ALDH1L2: variants seen among roughly 807,000 people sequenced by gnomAD.
ALDH1L2 encodes the protein mitochondrial 10-formyltetrahydrofolate dehydrogenase.
Under a neutral mutation model 111.0 loss-of-function variants are expected in ALDH1L2, and 91 were observed. That is an observed-to-expected ratio of 0.82 (90% CI 0.69 to 0.98). The LOEUF (loss-of-function observed/expected upper bound fraction) is 0.98. Ranked by LOEUF, ALDH1L2 falls within the 50% of genes least tolerant of loss-of-function variation. The pLI is 0.00. For synonymous variants in ALDH1L2, 374 were observed against 392.6 expected (o/e 0.95, Z 0.56); for missense variants, 995 against 1,126.8 (o/e 0.88, Z 1.67).
intron 4 of ALDH1L2, among the ~76,000 whole-genome samples, chr12:105,067,003 C>T (rs894126770): frequency 4.6e-5 from 7 of 151,918 alleles, no homozygotes; most frequent in African/African-American, 1.7e-4. Flanking sequence ...CCAAGGCAGG[C>T]GGATCACGAA....
At position 105,052,131 on chromosome 12, in the gene ALDH1L2, C is replaced by A; in HGVS notation, c.1494G>T (p.Trp498Cys). The stretch of plus-strand genomic sequence containing the variant: ...CTCTTTCTCTTGCATTCATTCTTCC[C>A]CATTCACCGTTTTCAAAAGCATCTT... ...AAKDAFENGE[W>C]GRMNARERGR... Residue 498 changes from tryptophan (W) to cysteine (C), a missense_variant, in exon 12 of 23, where the codon TGG (tryptophan) becomes TGT (cysteine). Coordinates refer to ENST00000258494, the MANE Select transcript of ALDH1L2 (RefSeq NM_001034173.4). 1 of 1,611,458 alleles carries A rather than the reference C, an allele frequency of 6.2e-7. No homozygotes were observed. Among genetic ancestry groups the A allele is most frequent in the Non-Finnish European group, 8.5e-7 (1 of 1,178,598 alleles).
chr12:105,028,932 T>G (rs1874558550), intron 21 of ALDH1L2, among the ~76,000 whole-genome samples: 1 of 152,206 alleles, frequency 6.6e-6, no homozygotes, highest in Non-Finnish European at 1.5e-5. Context: ...GACATAAAAC[T>G]TCATTAAATG....
chr12:105,083,400 ATTC>A (rs1412124137), intron 1 of ALDH1L2, among the ~76,000 whole-genome samples: 1 of 151,852 alleles, frequency 6.6e-6, no homozygotes, highest in African/African-American at 2.4e-5. Flanking sequence ...AGTAAAACGA[ATTC>A]TTATTATTTG....
intron 3 of ALDH1L2, among the ~76,000 whole-genome samples, chr12:105,070,112 A>G (rs1234886457): frequency 6.6e-6 from 1 of 152,248 alleles, no homozygotes; most frequent in Non-Finnish European, 1.5e-5. Context: ...TAAAGCCCGT[A>G]TTAATAGCTC....
Position 105,065,339 on chromosome 12 carries a change from A to C in ALDH1L2, c.714T>G (p.Ser238=). The stretch of plus-strand genomic sequence containing the variant: ...GAATCCAGTTATGTAAAACTTCGGC[A>C]GACTGGTCCCAAGAAATCTAGGAAG... ...KENAEISWDQ[S]AEVLHNWIRG... Residue 238 remains serine (S), a synonymous_variant, in exon 6 of 23, where the codon TCT becomes TCG. Coordinates refer to ENST00000258494, the MANE Select transcript of ALDH1L2 (RefSeq NM_001034173.4). 1.2e-6 allele frequency: 2 copies of C among 1,610,624 alleles called. No homozygotes were observed. Among genetic ancestry groups the C allele is most frequent in the Middle Eastern group, 1.7e-4 (1 of 6,038 alleles).
chr12:105,080,051 C>T (rs1878264178), intron 1 of ALDH1L2, among the ~76,000 whole-genome samples: 1 of 152,136 alleles, frequency 6.6e-6, no homozygotes. Flanking sequence ...TATTGAGAAA[C>T]ATTTTGGCTT....
In ALDH1L2 at chr12:105,073,937, G is replaced by A; in HGVS notation, c.117C>T (p.Ser39=). Residue 39 remains serine, a synonymous_variant, in exon 2 of 23, where the codon AGC becomes AGT. Coordinates refer to ENST00000258494, the MANE Select transcript of ALDH1L2 (RefSeq NM_001034173.4). ...CTCGGTGGCCCTCTTTGCGGAGGTG[G>A]CTATAGACTTCTTGTCCAAAGAGGC... is the stretch of plus-strand genomic sequence containing the variant. The part of the protein sequence containing the change: ...GQSLFGQEVY[S]HLRKEGHRVV... 1 of 1,614,098 alleles carries A rather than the reference G, an allele frequency of 6.2e-7. No homozygotes were observed.
Position 105,084,428 on chromosome 12 carries a change from C to A in ALDH1L2, c.9G>T (p.Arg3=). ML[R]RGSQALRRFS... is the part of the protein sequence containing the mutation. The stretch of plus-strand genomic sequence containing the variant: ...AGCGCCGGAGCGCCTGGCTGCCCCG[C>A]CGCAGCATGCTGGAGAGGAGCGCTA... The change falls in exon 1 of 23, where the codon CGG becomes CGT. Residue 3 remains arginine (R), a synonymous_variant. Transcript: ENST00000258494. The A allele has an allele frequency of 6.7e-7, 1 of 1,496,258 alleles. No homozygotes were observed. Among genetic ancestry groups the A allele is most frequent in the Non-Finnish European group, 8.8e-7 (1 of 1,130,494 alleles). The allele number at this position is 1,496,258 out of a possible 1,614,324, so 92.7% of individuals were successfully genotyped here.
At chr12:105,046,205 ATATATATATATATATAT>A (rs1875870761) in intron 15 of ALDH1L2, among the ~76,000 whole-genome samples, 2 of 38,376 alleles carry the variant, frequency 5.2e-5, no homozygotes, top group Non-Finnish European at 9.0e-5. Context: ...ATATATATAT[ATATATATATATATATAT>A]TTTTTTTTTT....
At chr12:105,039,846 C>A (rs1380744125) in intron 16 of ALDH1L2, 40 bp from the exon 17 acceptor site, 1 of 1,586,560 alleles carries the variant, frequency 6.3e-7, no homozygotes, top group South Asian at 1.1e-5. Flanking sequence ...AAAACATACT[C>A]AAGGCCGGGC....
At position 105,058,188 on chromosome 12, in the gene ALDH1L2, C is replaced by T. The variant is rs148823435; in HGVS notation, c.1172G>A (p.Gly391Glu). 42 of 1,610,468 alleles carry T rather than the reference C, an allele frequency of 2.6e-5. No homozygotes were observed. Among genetic ancestry groups the T allele is most frequent in the Non-Finnish European group, 3.5e-5 (41 of 1,178,728 alleles). Residue 391 changes from glycine to glutamate, a missense_variant, in exon 10 of 23, where the codon GGG becomes GAG. Transcript: ENST00000258494. ...GACATCTTCATTCTGCAACTGAAGC[C>T]CACCACATTTCTGTCTGATCTCTTC... is the stretch of plus-strand genomic sequence containing the variant. ...LVEEIRQKCG[G>E]LQLQNEDVYM...
At chr12:105,061,404 C>T (rs536945372) in intron 8 of ALDH1L2, among the ~76,000 whole-genome samples, 33 of 152,268 alleles carry the variant, frequency 2.2e-4, no homozygotes, top group African/African-American at 6.7e-4. Flanking sequence ...CACCCCTAAC[C>T]CCCGTGCCAA....
chr12:105,078,369 G>A (rs1878172605), intron 1 of ALDH1L2, among the ~76,000 whole-genome samples: 1 of 152,198 alleles, frequency 6.6e-6, no homozygotes, highest in South Asian at 2.1e-4. Context: ...TGAGGCAGGA[G>A]GATCGCTTGA....
chr12:105,066,812 A>G, intron 4 of ALDH1L2, 143 bp from the exon 5 acceptor site: 1 of 667,580 alleles, frequency 1.5e-6, no homozygotes, highest in Non-Finnish European at 2.6e-6. Flanking sequence ...CCATTTCTTC[A>G]GGTCCATCCT....
intron 1 of ALDH1L2, among the ~76,000 whole-genome samples, chr12:105,083,757 G>A (rs1247057469): frequency 6.6e-6 from 1 of 152,104 alleles, no homozygotes; most frequent in East Asian, 1.9e-4. Flanking sequence ...GCGCGGGGCT[G>A]GGCCAGAGCT....
chr12:105,024,390 T>C lies in ALDH1L2; in HGVS notation c.*34A>G, dbSNP rs770435325. ...AAGTGTGTCCAGAGTTGTAAAGGGC[T>C]GTCTGTCAAGGCTTTCCTGATGATG... On this transcript the variant is annotated 3_prime_UTR_variant, in exon 23 of 23. Coordinates refer to ENST00000258494, the MANE Select transcript of ALDH1L2 (RefSeq NM_001034173.4). The C allele has an allele frequency of 3.1e-6, 5 of 1,611,458 alleles. No homozygotes were observed. Among genetic ancestry groups the C allele is most frequent in the Non-Finnish European group, 3.4e-6 (4 of 1,177,884 alleles).
At chr12:105,071,634 A>G (rs1245774378) in intron 2 of ALDH1L2, among the ~76,000 whole-genome samples, 2 of 13,178 alleles carry the variant, frequency 1.5e-4, no homozygotes, top group Non-Finnish European at 1.3e-4. Flanking sequence ...ATATATATAT[A>G]TATATATATT....
chr12:105,075,710 T>G (rs1027547076), intron 1 of ALDH1L2, among the ~76,000 whole-genome samples: 10 of 152,210 alleles, frequency 6.6e-5, no homozygotes, highest in African/African-American at 2.4e-4. Flanking sequence ...ACTGAGAAGT[T>G]TTCAGATTTC....
At chr12:105,036,516 A>ATATT (rs1565952214) in intron 18 of ALDH1L2, among the ~76,000 whole-genome samples, 1 of 4,122 alleles carries the variant, frequency 2.4e-4, no homozygotes, top group African/African-American at 2.6e-3. Flanking sequence ...TATATATTTT[A>ATATT]TATATATATA....
Sources: allele counts gnomAD v4.1 joint callset (sites outside exome capture counted in the v4.1 genomes callset), GRCh38; gene constraint gnomAD v4.1.1; transcripts MANE v1.5; gene names NCBI Gene and HGNC (gene_info 2026-07-23, HGNC 2026-07-21).